The following NKAIN2 variants were observed in gnomAD, a reference collection of about 807,000 sequenced individuals.
The protein encoded by NKAIN2 is sodium/potassium transporting ATPase interacting 2.
NKAIN2 carries 14 observed loss-of-function variants against 32.6 expected under a neutral mutation model. That is an observed-to-expected ratio of 0.43 (90% CI 0.28 to 0.67). NKAIN2 has a LOEUF of 0.67. Ranked by LOEUF, NKAIN2 falls within the 30% of genes least tolerant of loss-of-function variation. The probability of loss-of-function intolerance (pLI) is 0.17; values close to 1 mark genes in which losing one functional copy is unlikely to be tolerated. For synonymous variants in NKAIN2, 80 were observed against 87.2 expected (o/e 0.92, Z 0.46); for missense variants, 198 against 258.3 (o/e 0.77, Z 1.60).
chr6:124,251,243 G>T (rs923875155), intron 1 of NKAIN2, among the ~76,000 whole-genome samples: 7 of 151,952 alleles, frequency 4.6e-5, no homozygotes. Context: ...TTAAAAGCCA[G>T]CCATGTTCTG....
intron 1 of NKAIN2, among the ~76,000 whole-genome samples, chr6:124,169,823 G>A (rs1349966626): frequency 6.6e-6 from 1 of 152,090 alleles, no homozygotes; most frequent in Admixed American, 6.6e-5. Context: ...GGGGTGGAAC[G>A]GACTTTCACC....
chr6:124,778,810 C>T (rs1246450854), intron 4 of NKAIN2, among the ~76,000 whole-genome samples: 3 of 152,044 alleles, frequency 2.0e-5, no homozygotes, highest in Non-Finnish European at 2.9e-5. Flanking sequence ...TCAGAAACCA[C>T]TTGAGCCAAT....
intron 3 of NKAIN2, among the ~76,000 whole-genome samples, chr6:124,543,778 T>C (rs1779993158): frequency 6.6e-6 from 1 of 152,086 alleles, no homozygotes; most frequent in Admixed American, 6.6e-5. Flanking sequence ...TGTGGCATCC[T>C]CCAAAACGAG....
At chr6:124,431,899 A>G (rs1048081788) in intron 3 of NKAIN2, among the ~76,000 whole-genome samples, 4 of 152,204 alleles carry the variant, frequency 2.6e-5, no homozygotes, top group African/African-American at 7.2e-5. Flanking sequence ...CAAAGAGGAA[A>G]AAATAGTTAT....
chr6:124,620,183 C>T (rs1783055208), intron 3 of NKAIN2, among the ~76,000 whole-genome samples: 1 of 152,106 alleles, frequency 6.6e-6, no homozygotes, highest in Non-Finnish European at 1.5e-5. Context: ...ATGAGGTGTG[C>T]TTTTTAGATA....
chr6:123,851,771 C>T (rs1484753930), intron 1 of NKAIN2, among the ~76,000 whole-genome samples: 1 of 152,088 alleles, frequency 6.6e-6, no homozygotes, highest in Non-Finnish European at 1.5e-5. Context: ...TATTCAAGCC[C>T]TTTGCCTATT....
intron 3 of NKAIN2, among the ~76,000 whole-genome samples, chr6:124,486,990 G>A (rs114652865): frequency 0.023 from 3,521 of 152,182 alleles, 143 homozygotes; most frequent in African/African-American, 0.08. Flanking sequence ...TCGAGACTGG[G>A]TTAAAAGATT....
At chr6:124,494,874 A>G (rs967226298) in intron 3 of NKAIN2, among the ~76,000 whole-genome samples, 2 of 152,110 alleles carry the variant, frequency 1.3e-5, no homozygotes, top group Non-Finnish European at 2.9e-5. Flanking sequence ...GTGATAAAAC[A>G]AGAAAGTAAG....
intron 1 of NKAIN2, among the ~76,000 whole-genome samples, chr6:124,058,717 G>T (rs1782783618): frequency 6.6e-6 from 1 of 152,014 alleles, no homozygotes; most frequent in Non-Finnish European, 1.5e-5. Flanking sequence ...TATTTTAAAT[G>T]AATGGAAGAA....
chr6:124,409,902 G>T (rs4896279), intron 3 of NKAIN2, among the ~76,000 whole-genome samples: 38,111 of 151,950 alleles, frequency 0.25, 4,888 homozygotes, highest in Non-Finnish European at 0.27. Context: ...AGATTCAACT[G>T]CTTCCTAGTT....
chr6:123,858,058 A>C (rs1775627037), intron 1 of NKAIN2, among the ~76,000 whole-genome samples: 1 of 152,194 alleles, frequency 6.6e-6, no homozygotes, highest in East Asian at 1.9e-4. Flanking sequence ...CCTGGGAAGA[A>C]AGGAATTTAA....
chr6:124,448,246 C>A (rs1205265718), intron 3 of NKAIN2, among the ~76,000 whole-genome samples: 2 of 152,018 alleles, frequency 1.3e-5, no homozygotes, highest in Non-Finnish European at 2.9e-5. Context: ...GAAATCTCTG[C>A]TCATTATCTT....
At chr6:124,718,593 C>T (rs962241749) in intron 4 of NKAIN2, among the ~76,000 whole-genome samples, 2 of 151,890 alleles carry the variant, frequency 1.3e-5, no homozygotes, top group African/African-American at 4.8e-5. Flanking sequence ...ATTAATATTC[C>T]CCATAGAATT....
intron 1 of NKAIN2, among the ~76,000 whole-genome samples, chr6:124,204,243 C>T (rs1352145366): frequency 1.3e-5 from 2 of 151,790 alleles, no homozygotes; most frequent in Admixed American, 6.6e-5. Flanking sequence ...AAATAAGAGA[C>T]ATTTTACATT....
chr6:124,398,025 G>T (rs1452079480), intron 3 of NKAIN2, among the ~76,000 whole-genome samples: 1 of 151,470 alleles, frequency 6.6e-6, no homozygotes, highest in East Asian at 1.9e-4. Flanking sequence ...AGGCCGAGGC[G>T]GGCGGATCAC....
At chr6:124,499,078 T>C (rs564508845) in intron 3 of NKAIN2, among the ~76,000 whole-genome samples, 43 of 152,292 alleles carry the variant, frequency 2.8e-4, no homozygotes, top group Admixed American at 7.8e-4. Flanking sequence ...AATGTACTTA[T>C]CTTTTCCGTA....
intron 3 of NKAIN2, among the ~76,000 whole-genome samples, chr6:124,409,459 T>G (rs1441877922): frequency 2.0e-5 from 3 of 152,156 alleles, no homozygotes; most frequent in African/African-American, 4.8e-5. Context: ...AATCATGTGG[T>G]TTTTGTCTTT....
chr6:124,761,169 T>C (rs1175526509), intron 4 of NKAIN2, among the ~76,000 whole-genome samples: 1 of 152,224 alleles, frequency 6.6e-6, no homozygotes, highest in Non-Finnish European at 1.5e-5. Flanking sequence ...AAATTCCTTA[T>C]AGTAACCAAC....
chr6:124,212,033 G>C (rs947075818), intron 1 of NKAIN2, among the ~76,000 whole-genome samples: 1 of 151,862 alleles, frequency 6.6e-6, no homozygotes, highest in Admixed American at 6.6e-5. Flanking sequence ...ACAGTTTATT[G>C]AATAAGAACA....
Sources: allele counts gnomAD v4.1 joint callset (sites outside exome capture counted in the v4.1 genomes callset), GRCh38; gene constraint gnomAD v4.1.1; transcripts MANE v1.5; gene names NCBI Gene and HGNC (gene_info 2026-07-23, HGNC 2026-07-21).